DLGAP2: variants seen among roughly 807,000 people sequenced by gnomAD.
DLGAP2 encodes the protein disks large-associated protein 2.
Under a neutral mutation model 100.3 loss-of-function variants are expected in DLGAP2, and 26 were observed. That is an observed-to-expected ratio of 0.26 (90% CI 0.19 to 0.36). DLGAP2 has a LOEUF of 0.36. Ranked by LOEUF, DLGAP2 falls within the 10% of genes least tolerant of loss-of-function variation. DLGAP2 has a pLI of 1.00. For synonymous variants in DLGAP2, 886 were observed against 630.1 expected, an observed-to-expected ratio of 1.41 and a Z score of -6.08; for missense variants, 1,858 against 1,453.2, an observed-to-expected ratio of 1.28 and a Z score of -4.53.
intron 6 of DLGAP2, among the ~76,000 whole-genome samples, chr8:1,608,890 T>C (rs1474621733): frequency 6.6e-6 from 1 of 151,560 alleles, no homozygotes; most frequent in Non-Finnish European, 1.5e-5. Context: ...TGGGACTATG[T>C]GAAAAGACCA....
intron 2 of DLGAP2, among the ~76,000 whole-genome samples, chr8:1,254,181 T>A (rs1799117345): frequency 6.6e-6 from 1 of 152,154 alleles, no homozygotes; most frequent in South Asian, 2.1e-4. Flanking sequence ...CAGGTCTCAG[T>A]CTGCCTCTCC....
intron 1 of DLGAP2, among the ~76,000 whole-genome samples, chr8:749,044 G>C (rs1222212799): frequency 6.6e-6 from 1 of 152,112 alleles, no homozygotes; most frequent in Non-Finnish European, 1.5e-5. Flanking sequence ...TTGTTACCCA[G>C]GCTGGAATGC....
chr8:893,103 C>T (rs1426295370), intron 1 of DLGAP2: 1 of 152,212 alleles, frequency 6.6e-6, no homozygotes, highest in Non-Finnish European at 1.5e-5. Flanking sequence ...AAGTGAGACA[C>T]CCTTGCCTGC....
chr8:1,199,897 G>A (rs893935537), intron 2 of DLGAP2, among the ~76,000 whole-genome samples: 5 of 151,936 alleles, frequency 3.3e-5, no homozygotes, highest in Admixed American at 6.5e-5. Context: ...TCTCTACACC[G>A]CCCCCTCCCC....
chr8:1,416,641 C>T (rs971763468), intron 3 of DLGAP2, among the ~76,000 whole-genome samples: 1 of 152,058 alleles, frequency 6.6e-6, no homozygotes, highest in Non-Finnish European at 1.5e-5. Context: ...GAAATATCAA[C>T]ATGGAAACTC....
chr8:1,454,367 T>A (rs774035734), intron 3 of DLGAP2, among the ~76,000 whole-genome samples: 41 of 151,846 alleles, frequency 2.7e-4, no homozygotes, highest in Non-Finnish European at 5.3e-4. Context: ...TTTTTTTTTT[T>A]ATCTTTTCTC....
Position 1,548,901 on chromosome 8 carries a change from G to C in DLGAP2, c.448G>C (p.Val150Leu). Reference sequence around the variant, plus strand: ...GCACTCGGAGTGCGTGATGATGCCGGTGGTGCTGGGCGACCACGTGTCCAG... The same window carrying C: ...GCACTCGGAGTGCGTGATGATGCCGCTGGTGCTGGGCGACCACGTGTCCAG... ...SVHSECVMMP[V>L]VLGDHVSSST... Residue 150 changes from valine to leucine, a missense_variant, in exon 5 of 15, where the codon GTG (valine) becomes CTG (leucine). Transcript: ENST00000637795. The C allele has an allele frequency of 6.3e-7, 1 of 1,597,804 alleles. No homozygotes were observed. Among genetic ancestry groups the C allele is most frequent in the Non-Finnish European group, 8.5e-7 (1 of 1,178,720 alleles).
At chr8:1,270,854 C>G (rs1385096753) in intron 3 of DLGAP2, among the ~76,000 whole-genome samples, 1 of 151,916 alleles carries the variant, frequency 6.6e-6, no homozygotes, top group Non-Finnish European at 1.5e-5. Flanking sequence ...AGAGTGAAAC[C>G]TCTGCTGTCA....
intron 2 of DLGAP2, among the ~76,000 whole-genome samples, chr8:1,253,498 T>A (rs1202102738): frequency 6.6e-6 from 1 of 152,230 alleles, no homozygotes; most frequent in Non-Finnish European, 1.5e-5. Flanking sequence ...GTAGCCTCCA[T>A]AGATAAAATG....
intron 1 of DLGAP2, among the ~76,000 whole-genome samples, chr8:779,701 G>A (rs1005585457): frequency 1.3e-5 from 2 of 151,968 alleles, no homozygotes; most frequent in African/African-American, 2.4e-5. Flanking sequence ...TTCTACCACT[G>A]TTAGCCATCC....
chr8:1,390,476 A>T (rs873854), intron 3 of DLGAP2, among the ~76,000 whole-genome samples: 1 of 152,040 alleles, frequency 6.6e-6, no homozygotes, highest in African/African-American at 2.4e-5. Flanking sequence ...GCCCACCTAC[A>T]AGCCCTTCCT....
At chr8:898,506 A>G (rs1223105572) in intron 1 of DLGAP2, among the ~76,000 whole-genome samples, 2 of 152,054 alleles carry the variant, frequency 1.3e-5, no homozygotes, top group African/African-American at 2.4e-5. Flanking sequence ...GTTCCCTCTC[A>G]TCCATTTCTC....
chr8:1,479,762 C>T (rs752857897), intron 3 of DLGAP2, among the ~76,000 whole-genome samples: 13 of 152,252 alleles, frequency 8.5e-5, no homozygotes, highest in East Asian at 1.9e-4. Context: ...AAGCCCCCTG[C>T]GGTCCAAGCT....
chr8:833,270 A>C lies in DLGAP2; in HGVS notation c.19-74642A>C, dbSNP rs1796814245. Among the ~76,000 whole-genome samples the C allele has an allele frequency of 2.0e-5, 3 of 152,328 alleles. No homozygotes were observed. The East Asian group carries it at 5.8e-4, about 29-fold the overall frequency. ...CAGTACCCATTTCCTGAGAGAATTC[A>C]GGCTTTTTGCTGTAACAAATTACCA... On this transcript the variant is annotated intron_variant, in intron 1 of 14. Transcript: ENST00000637795.
intron 1 of DLGAP2, among the ~76,000 whole-genome samples, chr8:867,604 C>T (rs1303018312): frequency 6.6e-6 from 1 of 152,208 alleles, no homozygotes; most frequent in Non-Finnish European, 1.5e-5. Flanking sequence ...TCTGAGAAGG[C>T]TGTGGATCTG....
intron 2 of DLGAP2, among the ~76,000 whole-genome samples, chr8:1,114,790 T>C (rs1805065056): frequency 6.6e-6 from 1 of 152,174 alleles, no homozygotes; most frequent in Middle Eastern, 3.2e-3. Flanking sequence ...TGATGTTAGG[T>C]AGTTAATTTG....
chr8:1,420,121 C>G (rs143231870), intron 3 of DLGAP2, among the ~76,000 whole-genome samples: 14 of 152,030 alleles, frequency 9.2e-5, no homozygotes, highest in African/African-American at 3.4e-4. Context: ...GGTCTGGGGT[C>G]GGGAGGGGCT....
intron 1 of DLGAP2, among the ~76,000 whole-genome samples, chr8:876,872 G>T (rs1054482326): frequency 2.6e-5 from 4 of 151,862 alleles, no homozygotes; most frequent in South Asian, 2.1e-4. Context: ...GATCTGTTTT[G>T]CAGTTTGCTT....
intron 3 of DLGAP2, among the ~76,000 whole-genome samples, chr8:1,490,186 G>A (rs1056205791): frequency 2.0e-5 from 3 of 152,128 alleles, no homozygotes; most frequent in South Asian, 4.1e-4. Context: ...CACTGCGCCC[G>A]GCTTCATTTT....
Sources: allele counts gnomAD v4.1 joint callset (sites outside exome capture counted in the v4.1 genomes callset), GRCh38; gene constraint gnomAD v4.1.1; transcripts MANE v1.5; gene names NCBI Gene and HGNC (gene_info 2026-07-23, HGNC 2026-07-21).